Variants in BNC2 observed in about 807,000 individuals in gnomAD.
BNC2 encodes basonuclin zinc finger protein 2.
In BNC2, 20 loss-of-function variants were observed where a neutral mutation model predicts 76.3. That is an observed-to-expected ratio of 0.26 (90% CI 0.18 to 0.38). The LOEUF (loss-of-function observed/expected upper bound fraction) is 0.38, where lower values mean the gene tolerates loss of function less well. Ranked by LOEUF, BNC2 falls within the 10% of genes least tolerant of loss-of-function variation. BNC2 has a pLI of 1.00. For missense variants in BNC2, 1,382 were observed against 1,399.8 expected, an observed-to-expected ratio of 0.99 and a Z score of 0.20; for synonymous variants, 582 against 514.8, an observed-to-expected ratio of 1.13 and a Z score of -1.77.
intron 3 of BNC2, among the ~76,000 whole-genome samples, chr9:16,618,721 T>C (rs1820780813): frequency 6.6e-6 from 1 of 152,128 alleles, no homozygotes; most frequent in Admixed American, 6.5e-5. Context: ...CACAATTACT[T>C]AAGTTAAGTT....
intron 1 of BNC2, among the ~76,000 whole-genome samples, chr9:16,862,245 T>C (rs1256810858): frequency 6.6e-6 from 1 of 152,158 alleles, no homozygotes; most frequent in African/African-American, 2.4e-5. Flanking sequence ...ACTCAAAAAG[T>C]GTAAACAACC....
At chr9:16,792,707 G>A (rs768020914) in intron 1 of BNC2, among the ~76,000 whole-genome samples, 14 of 152,138 alleles carry the variant, frequency 9.2e-5, no homozygotes, top group Non-Finnish European at 1.8e-4. Flanking sequence ...GAAAGAATTC[G>A]TATTTATCAT....
intron 5 of BNC2, among the ~76,000 whole-genome samples, chr9:16,448,808 T>C (rs533573932): frequency 6.6e-6 from 1 of 152,332 alleles, no homozygotes; most frequent in Admixed American, 6.5e-5. Context: ...ACATTATTAC[T>C]TGTAACACAT....
intron 3 of BNC2, among the ~76,000 whole-genome samples, chr9:16,666,781 C>T (rs561351377): frequency 2.2e-4 from 33 of 152,264 alleles, no homozygotes; most frequent in Non-Finnish European, 4.0e-4. Context: ...GATGCACACA[C>T]GTTTTGAAGC....
intron 5 of BNC2, among the ~76,000 whole-genome samples, chr9:16,479,637 C>T (rs1381802221): frequency 3.3e-5 from 5 of 152,140 alleles, no homozygotes; most frequent in African/African-American, 1.2e-4. Flanking sequence ...ATCAGCATAA[C>T]AGTCCTATAA....
At chr9:16,423,350 G>T (rs1055466397) in intron 6 of BNC2, among the ~76,000 whole-genome samples, 2 of 152,130 alleles carry the variant, frequency 1.3e-5, no homozygotes, top group Non-Finnish European at 2.9e-5. Context: ...TATATGGAAG[G>T]AAGTTCCTCT....
chr9:16,749,570 C>T (rs747294376), intron 1 of BNC2, among the ~76,000 whole-genome samples: 14 of 152,064 alleles, frequency 9.2e-5, no homozygotes, highest in Non-Finnish European at 1.9e-4. Flanking sequence ...TGTGGTGGCA[C>T]ATGCCTGTGG....
At chr9:16,693,989 C>T (rs1388494050) in intron 3 of BNC2, among the ~76,000 whole-genome samples, 1 of 152,184 alleles carries the variant, frequency 6.6e-6, no homozygotes, top group Non-Finnish European at 1.5e-5. Flanking sequence ...ATGTATTTAC[C>T]TCTAATGAGG....
chr9:16,840,918 A>T (rs1818808407), intron 1 of BNC2, among the ~76,000 whole-genome samples: 1 of 152,220 alleles, frequency 6.6e-6, no homozygotes, highest in South Asian at 2.1e-4. Context: ...CTAACTGTAG[A>T]TAATATTGTA....
intron 1 of BNC2, among the ~76,000 whole-genome samples, chr9:16,771,438 G>T (rs1222953189): frequency 1.3e-5 from 2 of 152,172 alleles, no homozygotes; most frequent in Non-Finnish European, 2.9e-5. Context: ...AATCCCAGAA[G>T]TTCATTAAAT....
At chr9:16,805,713 G>GCGCA (rs1554738685) in intron 1 of BNC2, among the ~76,000 whole-genome samples, 4 of 149,110 alleles carry the variant, frequency 2.7e-5, no homozygotes, top group East Asian at 2.0e-4. Context: ...TTGCATACAT[G>GCGCA]CACACACACA....
At chr9:16,495,060 T>A (rs1822358678) in intron 5 of BNC2, among the ~76,000 whole-genome samples, 1 of 152,242 alleles carries the variant, frequency 6.6e-6, no homozygotes, top group Admixed American at 6.5e-5. Flanking sequence ...TGACTTTCCA[T>A]GAGTTGGAGT....
chr9:16,805,403 C>T lies in BNC2; in HGVS notation c.3+65243G>A, dbSNP rs141447950. Among the ~76,000 whole-genome samples the T allele has an allele frequency of 9.7e-4, 147 of 152,074 alleles. 1 individual carries two copies. The highest frequency in any genetic ancestry group is 3.4e-3 in the African/African-American group (140 of 41,486). ...GTACAATGGCACGATCTCAGCTCAC[C>T]GCAACCTCCGCCTCCTCGGTTCAAG... On this transcript the variant is annotated intron_variant, in intron 1 of 6. Transcript: ENST00000380672.
At chr9:16,665,472 AAGAAAGAAAGAAAGAAAG>A (rs1822259295) in intron 3 of BNC2, among the ~76,000 whole-genome samples, 3 of 126,248 alleles carry the variant, frequency 2.4e-5, no homozygotes, top group Non-Finnish European at 4.8e-5. Context: ...GAAAGAAAGA[AAGAAAGAAAGAAAGAAAG>A]AGAGAGAGAG....
At chr9:16,785,483 C>T (rs1586882423) in intron 1 of BNC2, among the ~76,000 whole-genome samples, 1 of 151,848 alleles carries the variant, frequency 6.6e-6, no homozygotes, top group Non-Finnish European at 1.5e-5. Flanking sequence ...CAACCTCCAC[C>T]TCCCAGGTTC....
intron 3 of BNC2, among the ~76,000 whole-genome samples, chr9:16,670,797 A>C (rs1822453393): frequency 6.6e-6 from 1 of 152,238 alleles, no homozygotes. Context: ...TCAGAACAGC[A>C]AATACTCCAG....
intron 1 of BNC2, among the ~76,000 whole-genome samples, chr9:16,740,543 A>T (rs1824814025): frequency 6.6e-6 from 1 of 152,216 alleles, no homozygotes; most frequent in African/African-American, 2.4e-5. Context: ...ATTGCAGAGG[A>T]GTTAAGAAGT....
intron 3 of BNC2, among the ~76,000 whole-genome samples, chr9:16,611,024 C>T (rs1373345634): frequency 6.6e-6 from 1 of 152,004 alleles, no homozygotes; most frequent in African/African-American, 2.4e-5. Flanking sequence ...ATTATAGAAA[C>T]AGACTGAACA....
intron 5 of BNC2, among the ~76,000 whole-genome samples, chr9:16,545,574 T>C (rs768123200): frequency 2.0e-5 from 3 of 152,170 alleles, no homozygotes; most frequent in East Asian, 1.9e-4. Flanking sequence ...ATTAAGCTTT[T>C]CTGGTCCAAC....
Sources: allele counts gnomAD v4.1 joint callset (sites outside exome capture counted in the v4.1 genomes callset), GRCh38; gene constraint gnomAD v4.1.1; transcripts MANE v1.5; gene names NCBI Gene and HGNC (gene_info 2026-07-23, HGNC 2026-07-21).